The following TTC1 variants were observed in gnomAD, a reference collection of about 807,000 sequenced individuals.
The protein encoded by TTC1 is tetratricopeptide repeat domain 1, also known as tetratricopeptide repeat protein 1.
In TTC1, 31 loss-of-function variants were observed where a neutral mutation model predicts 37.6. The observed-to-expected ratio is 0.82, with a 90% CI of 0.62 to 1.11. TTC1 has a LOEUF of 1.11. Among genes scored for constraint, TTC1 ranks in the 50% most tolerant of loss-of-function variants. The pLI is 0.00. For missense variants in TTC1, 351 were observed against 339.0 expected, an observed-to-expected ratio of 1.04 and a Z score of -0.28; for synonymous variants, 127 against 122.4, an observed-to-expected ratio of 1.04 and a Z score of -0.25.
Position 160,024,037 on chromosome 5 carries a change from A to T in TTC1, c.331-11103A>T, listed in dbSNP as rs1581096776. ...CTTTACAGCCACACTTCTTGCAGGT[A>T]GTGTTCAATCAATATACTCTGGTTA... On this transcript the variant is annotated intron_variant, in intron 2 of 7. Transcript: ENST00000231238. 5.3e-6 allele frequency: 7 copies of T among 1,311,690 alleles called. No homozygotes were observed. In the East Asian group the frequency reaches 1.6e-4, roughly 30 times the overall value. 81.3% of individuals were successfully genotyped at this position (1,311,690 alleles called of 1,614,324 possible). A position where few individuals can be genotyped will look rare whatever the true frequency, so the allele number is the denominator to read the frequency against.
Position 160,064,965 on chromosome 5 carries a change from G to A in TTC1, c.779G>A (p.Arg260Gln), listed in dbSNP as rs745372087. Reference protein sequence around the residue: ...KLKDLGNLVLRPFGLSTENFQ... With the variant: ...KLKDLGNLVLQPFGLSTENFQ... ...AAAGATCTTGGGAACTTGGTTCTCC[G>A]ACCTTTTGGGCTCTCCACGGAAAAT... Residue 260 changes from arginine (R) to glutamine (Q), a missense_variant, in exon 8 of 8, where the codon CGA becomes CAA. Physicochemically the swap from Arg to Gln is conservative, Grantham distance 43. Transcript: ENST00000231238. 30 of 1,613,524 alleles carry A rather than the reference G, an allele frequency of 1.9e-5. No homozygotes were observed. Among genetic ancestry groups the A allele is most frequent in the African/African-American group, 6.7e-5 (5 of 74,824 alleles).
At chr5:160,063,111 G>T (rs948125944) in intron 7 of TTC1, among the ~76,000 whole-genome samples, 5 of 152,184 alleles carry the variant, frequency 3.3e-5, no homozygotes, top group African/African-American at 1.2e-4. Context: ...TCAATTTACT[G>T]TTTTATCCAA....
intron 7 of TTC1, among the ~76,000 whole-genome samples, chr5:160,056,806 C>T (rs751824375): frequency 1.3e-4 from 20 of 152,062 alleles, no homozygotes; most frequent in Middle Eastern, 3.2e-3. Context: ...CATGTCATTG[C>T]CAAGTTCAGC....
At position 160,044,372 on chromosome 5, in the gene TTC1, A is replaced by G. The variant is rs188101713; in HGVS notation, c.541+1203A>G. ...AAAGAAACAAAAGAATGGCTACTCC[A>G]TAGGCAGAGCAGCAATGTGGGCTGC... On this transcript the variant is annotated intron_variant, in intron 5 of 7. Coordinates refer to ENST00000231238, the MANE Select transcript of TTC1 (RefSeq NM_003314.3). Among the ~76,000 whole-genome samples the G allele has an allele frequency of 1.2e-3, 182 of 152,352 alleles. 2 individuals are homozygous for G. Among genetic ancestry groups the G allele is most frequent in the Middle Eastern group, 6.8e-3 (2 of 294 alleles).
chr5:160,017,484 A>G (rs1030966186), intron 2 of TTC1, among the ~76,000 whole-genome samples: 3 of 152,168 alleles, frequency 2.0e-5, no homozygotes, highest in Admixed American at 6.5e-5. Context: ...TCACATCCCA[A>G]AAGGACGCAC....
intron 2 of TTC1, among the ~76,000 whole-genome samples, chr5:160,030,509 A>G (rs1361834148): frequency 6.6e-6 from 1 of 152,226 alleles, no homozygotes. Context: ...GATGTATGTG[A>G]CAGCAGATTT....
chr5:160,053,604 T>A (rs980583451), intron 7 of TTC1, among the ~76,000 whole-genome samples: 5 of 152,216 alleles, frequency 3.3e-5, no homozygotes, highest in African/African-American at 1.2e-4. Flanking sequence ...GTGTGATGCC[T>A]ATGCCTGTAG....
chr5:160,045,108 A>T (rs1025482473), intron 5 of TTC1, among the ~76,000 whole-genome samples: 1 of 152,168 alleles, frequency 6.6e-6, no homozygotes, highest in Non-Finnish European at 1.5e-5. Flanking sequence ...TAAATTAGGA[A>T]CAAGCTGCTG....
intron 3 of TTC1, among the ~76,000 whole-genome samples, chr5:160,035,718 T>C (rs992703855): frequency 1.3e-5 from 2 of 152,178 alleles, no homozygotes; most frequent in African/African-American, 4.8e-5. Flanking sequence ...GTAGGGAGAT[T>C]CTTCATGTCC....
chr5:160,032,424 A>G (rs1235952219), intron 2 of TTC1, among the ~76,000 whole-genome samples: 3 of 152,140 alleles, frequency 2.0e-5, no homozygotes, highest in Non-Finnish European at 4.4e-5. Flanking sequence ...CCAACATCCA[A>G]CACCCCTTCC....
In TTC1 at chr5:160,043,133, G is replaced by C. The variant is rs777332879; in HGVS notation, c.505G>C (p.Asp169His). 3 of 1,612,978 alleles carry C rather than the reference G, an allele frequency of 1.9e-6. No homozygotes were observed. The highest frequency in any genetic ancestry group is 2.5e-6 in the Non-Finnish European group (3 of 1,179,510). ...SNRAAARMKQ[D>H]KKEMAINDCS... ...ATATTAATACTGTTTTTCTTTTTAGGACAAGAAAGAAATGGCCATCAATGA... is the reference window on the plus strand; with the variant it reads ...ATATTAATACTGTTTTTCTTTTTAGCACAAGAAAGAAATGGCCATCAATGA... Residue 169 changes from aspartate to histidine, a missense_variant and splice_region_variant, in exon 5 of 8, where the codon GAC becomes CAC. Coordinates refer to ENST00000231238, the MANE Select transcript of TTC1 (RefSeq NM_003314.3).
At chr5:160,015,925 A>G (rs765100608) in intron 2 of TTC1, among the ~76,000 whole-genome samples, 2 of 152,022 alleles carry the variant, frequency 1.3e-5, no homozygotes, top group South Asian at 2.1e-4. Context: ...ATTATAGGAC[A>G]CTCCGTTGGT....
At chr5:160,059,458 T>C (rs1310754438) in intron 7 of TTC1, among the ~76,000 whole-genome samples, 2 of 152,274 alleles carry the variant, frequency 1.3e-5, no homozygotes, top group Non-Finnish European at 2.9e-5. Flanking sequence ...TCCAGACACC[T>C]AGAACTTTCT....
At chr5:160,042,564 C>T (rs530852477) in intron 4 of TTC1, among the ~76,000 whole-genome samples, 12 of 152,138 alleles carry the variant, frequency 7.9e-5, no homozygotes, top group East Asian at 1.9e-4. Flanking sequence ...GTGTTCTTTC[C>T]GCTATGTCAT....
At chr5:160,029,481 CAA>C (rs61227502) in intron 2 of TTC1, among the ~76,000 whole-genome samples, 14 of 79,854 alleles carry the variant, frequency 1.8e-4, no homozygotes, top group African/African-American at 2.5e-4. Flanking sequence ...CCCATCTCTA[CAA>C]AAAAAAAAAA....
rs368330017 is a variant in TTC1, at chr5:160,065,441, T to C, written c.*376T>C. 1.1e-5 allele frequency: 5 copies of C among 464,292 alleles called. No individual in the cohort carries two copies. The highest frequency in any genetic ancestry group is 6.8e-5 in the East Asian group (1 of 14,798). 28.8% of individuals were successfully genotyped at this position (464,292 alleles called of 1,614,324 possible). On this transcript the variant is annotated 3_prime_UTR_variant, in exon 8 of 8. Coordinates refer to ENST00000231238, the MANE Select transcript of TTC1 (RefSeq NM_003314.3). ...TGGGAGACTGCCCAGACATGATTGA[T>C]GACGGGTTCCCGCCTGCTGTCCCCT...
chr5:160,013,649 A>G (rs1481284876), intron 2 of TTC1, among the ~76,000 whole-genome samples: 1 of 151,600 alleles, frequency 6.6e-6, no homozygotes, highest in Admixed American at 6.6e-5. Flanking sequence ...AGGCTGCGGC[A>G]GGAGAATCGC....
chr5:160,024,514 C>T (rs1417910793), intron 2 of TTC1, among the ~76,000 whole-genome samples: 2 of 152,038 alleles, frequency 1.3e-5, no homozygotes, highest in African/African-American at 4.8e-5. Context: ...GTTCCTTTAT[C>T]TTTTTTAAGA....
chr5:160,009,798 C>A (rs1202286143), intron 1 of TTC1, among the ~76,000 whole-genome samples: 4 of 152,114 alleles, frequency 2.6e-5, no homozygotes, highest in African/African-American at 7.2e-5. Flanking sequence ...GCCAGGGTTC[C>A]CCTTCCAGTG....
Sources: allele counts gnomAD v4.1 joint callset (sites outside exome capture counted in the v4.1 genomes callset), GRCh38; gene constraint gnomAD v4.1.1; transcripts MANE v1.5; gene names NCBI Gene and HGNC (gene_info 2026-07-23, HGNC 2026-07-21).